The following HMCN1 variants were observed in gnomAD, a reference collection of about 807,000 sequenced individuals.
HMCN1 encodes the protein hemicentin-1.
A neutral mutation model predicts 625.9 loss-of-function variants in HMCN1; 321 were observed. That is an observed-to-expected ratio of 0.51 (90% CI 0.47 to 0.56). The LOEUF is 0.56. Ranked by LOEUF, HMCN1 falls within the 20% of genes least tolerant of loss-of-function variation. The pLI, the probability that HMCN1 is intolerant of heterozygous loss-of-function variation, is 0.00. For synonymous variants in HMCN1, 2,425 were observed against 2,417.6 expected (o/e 1.00, Z -0.09); for missense variants, 6,588 against 6,887.3 (o/e 0.96, Z 1.54).
At chr1:186,027,480 T>G (rs1655136633) in intron 36 of HMCN1, among the ~76,000 whole-genome samples, 1 of 152,192 alleles carries the variant, frequency 6.6e-6, no homozygotes, top group South Asian at 2.1e-4. Context: ...AGTAAAATAT[T>G]GTGGCTTCAA....
intron 30 of HMCN1, among the ~76,000 whole-genome samples, chr1:186,013,844 G>A (rs914028218): frequency 5.3e-5 from 8 of 152,114 alleles, no homozygotes; most frequent in Non-Finnish European, 1.0e-4. Flanking sequence ...AGTCCATATT[G>A]ATATAAATAA....
intron 64 of HMCN1, among the ~76,000 whole-genome samples, chr1:186,092,242 A>G (rs1659884177): frequency 6.6e-6 from 1 of 151,932 alleles, no homozygotes; most frequent in Non-Finnish European, 1.5e-5. Flanking sequence ...CAACTACAAT[A>G]GTTTTTCCAA....
chr1:186,058,386 A>T (rs937969156), intron 46 of HMCN1, among the ~76,000 whole-genome samples: 16 of 152,124 alleles, frequency 1.1e-4, no homozygotes, highest in African/African-American at 3.4e-4. Context: ...AAAGCAAGAG[A>T]TCGTGTGCAC....
chr1:185,899,530 G>A (rs964399901), intron 4 of HMCN1, among the ~76,000 whole-genome samples: 61 of 152,084 alleles, frequency 4.0e-4, no homozygotes, highest in African/African-American at 1.3e-3. Flanking sequence ...TTATAATTTC[G>A]TATTTCTTAA....
At chr1:186,065,452 A>G (rs1215038373) in intron 49 of HMCN1, 23 bp downstream of exon 49, 1 of 1,519,086 alleles carries the variant, frequency 6.6e-7, no homozygotes, top group Admixed American at 2.1e-5. Flanking sequence ...TTTTCTTCAT[A>G]TCTTAAAGAA....
rs1204916526 is a variant in HMCN1, at chr1:185,923,750, T to A, written c.1285+97T>A. On this transcript the variant is annotated intron_variant, in intron 8 of 106. Transcript: ENST00000271588. ...ACGGACTATCAAATAAAAAATAATG[T>A]CTTCATATTATTACTGCATCACCAA... is the stretch of plus-strand genomic sequence containing the variant. 20 of 1,021,702 alleles carry A rather than the reference T, an allele frequency of 2.0e-5. No individual in the cohort carries two copies. In the Admixed American group the frequency reaches 2.5e-4, roughly 13 times the overall value. The allele number at this position is 1,021,702 out of a possible 1,614,324, so 63.3% of individuals were successfully genotyped here. A position where few individuals can be genotyped will look rare whatever the true frequency, so the allele number is the denominator to read the frequency against.
intron 24 of HMCN1, 143 bp from the exon 25 acceptor site, chr1:185,997,286 T>C (rs1652856065): frequency 2.9e-6 from 2 of 689,760 alleles, no homozygotes; most frequent in South Asian, 3.2e-5. Context: ...GGTAGAAATG[T>C]TTGGCAACTG....
chr1:186,064,407 T>C (rs942557717), intron 48 of HMCN1, among the ~76,000 whole-genome samples: 2 of 152,150 alleles, frequency 1.3e-5, no homozygotes, highest in Non-Finnish European at 2.9e-5. Context: ...TATTCTTCCA[T>C]CTATCTATGA....
At chr1:185,990,715 G>C (rs1234790479) in intron 22 of HMCN1, among the ~76,000 whole-genome samples, 1 of 152,134 alleles carries the variant, frequency 6.6e-6, no homozygotes. Context: ...AATTGTATGA[G>C]ATTCCTGTTA....
rs758903975 is a variant in HMCN1 at position 186,069,614 on chromosome 1, C to A, written c.7880-49C>A. ...AACCCCTGATAGCCTGTGTGTACTC[C>A]ACTGTCACTGTGATTTTAGAGACTC... On this transcript the variant is annotated intron_variant, in intron 50 of 106. Transcript: ENST00000271588. 14 of 1,186,038 alleles carry A rather than the reference C, an allele frequency of 1.2e-5. No individual in the cohort carries two copies. The East Asian group carries it at 3.1e-4, about 26-fold the overall frequency. The allele number at this position is 1,186,038 out of a possible 1,614,324, so 73.5% of individuals were successfully genotyped here.
chr1:185,850,956 T>G (rs532078159), intron 2 of HMCN1, among the ~76,000 whole-genome samples: 1 of 152,178 alleles, frequency 6.6e-6, no homozygotes, highest in Non-Finnish European at 1.5e-5. Context: ...TGAATTATTC[T>G]GTCTTAAATC....
intron 36 of HMCN1, among the ~76,000 whole-genome samples, chr1:186,029,549 T>A (rs955251193): frequency 4.0e-5 from 6 of 151,806 alleles, no homozygotes; most frequent in Non-Finnish European, 7.4e-5. Flanking sequence ...GTTTTTTTTT[T>A]TTATTTCTGT....
chr1:186,183,409 TG>T (rs754871319), intron 105 of HMCN1, among the ~76,000 whole-genome samples: 12 of 152,170 alleles, frequency 7.9e-5, no homozygotes, highest in Non-Finnish European at 1.3e-4. Context: ...GGGCCCCCAC[TG>T]GGTCATGTGG....
intron 2 of HMCN1, among the ~76,000 whole-genome samples, chr1:185,863,188 T>C (rs1357286617): frequency 6.6e-6 from 1 of 151,962 alleles, no homozygotes; most frequent in Non-Finnish European, 1.5e-5. Context: ...GAAAGAGCTC[T>C]TACTTGTTGC....
At position 186,151,226 on chromosome 1, in the gene HMCN1, G is replaced by A. The variant is rs747136780; in HGVS notation, c.14635G>A (p.Val4879Ile). Residue 4879 changes from valine to isoleucine, a missense_variant, in exon 94 of 107, where the codon GTT (valine) becomes ATT (isoleucine). This residue lies in a region of HMCN1 where 1,954 missense variants were observed against 2,013.1 expected (regional missense o/e 0.97). Coordinates refer to ENST00000271588, the MANE Select transcript of HMCN1 (RefSeq NM_031935.3). ...PGGPQRARGS[V>I]IGNINDVEFG... ...TGGGCCCCAGCGAGCCAGAGGAAGTGTTATTGGAAATATTAATGATGTTGA... is the reference window on the plus strand; with the variant it reads ...TGGGCCCCAGCGAGCCAGAGGAAGTATTATTGGAAATATTAATGATGTTGA... 2.6e-5 allele frequency: 42 copies of A among 1,613,564 alleles called. No individual in the cohort carries two copies. The South Asian group carries it at 3.7e-4, about 14-fold the overall frequency.
intron 44 of HMCN1, among the ~76,000 whole-genome samples, chr1:186,054,510 T>C (rs1485250802): frequency 6.6e-6 from 1 of 151,972 alleles, no homozygotes; most frequent in Non-Finnish European, 1.5e-5. Context: ...GGACTGGCAC[T>C]AGGACATTGG....
At chr1:186,104,979 CAAAT>C (rs772057608) in intron 69 of HMCN1, among the ~76,000 whole-genome samples, 6 of 151,990 alleles carry the variant, frequency 3.9e-5, no homozygotes, top group African/African-American at 1.2e-4. Flanking sequence ...AAAAAAATGA[CAAAT>C]AAAGCTTGAA....
At chr1:185,948,799 T>G (rs999738932) in intron 11 of HMCN1, among the ~76,000 whole-genome samples, 2 of 151,080 alleles carry the variant, frequency 1.3e-5, no homozygotes, top group Non-Finnish European at 2.9e-5. Context: ...GGTGAAAATT[T>G]TTGGGGGGTG....
At chr1:185,955,187 A>C (rs1425807481) in intron 11 of HMCN1, among the ~76,000 whole-genome samples, 2 of 152,074 alleles carry the variant, frequency 1.3e-5, no homozygotes, top group African/African-American at 2.4e-5. Flanking sequence ...CCCCATTCCA[A>C]TCCATCTTCC....
Sources: allele counts gnomAD v4.1 joint callset (sites outside exome capture counted in the v4.1 genomes callset), GRCh38; gene constraint gnomAD v4.1.1; regional missense constraint gnomAD v4.1.1; transcripts MANE v1.5; gene names NCBI Gene and HGNC (gene_info 2026-07-23, HGNC 2026-07-21).